SORCS1: variants seen among roughly 807,000 people sequenced by gnomAD.
The protein encoded by SORCS1 is VPS10 domain-containing receptor SorCS1.
Under a neutral mutation model 146.1 loss-of-function variants are expected in SORCS1, and 60 were observed. That is an observed-to-expected ratio of 0.41 (90% CI 0.33 to 0.51). The LOEUF is 0.51. SORCS1 is among the 20% of genes least tolerant of loss of function. The pLI, the probability that SORCS1 is intolerant of heterozygous loss-of-function variation, is 0.21. For synonymous variants in SORCS1, 637 were observed against 584.0 expected (o/e 1.09, Z -1.31); for missense variants, 1,352 against 1,487.6 (o/e 0.91, Z 1.50).
chr10:107,151,201 G>A (rs1356916610), intron 1 of SORCS1, among the ~76,000 whole-genome samples: 2 of 152,188 alleles, frequency 1.3e-5, no homozygotes, highest in Non-Finnish European at 2.9e-5. Flanking sequence ...AGGGCTCAGA[G>A]ACAGGATGGT....
chr10:106,947,134 A>C (rs1954386643), intron 2 of SORCS1, among the ~76,000 whole-genome samples: 1 of 152,210 alleles, frequency 6.6e-6, no homozygotes, highest in South Asian at 2.1e-4. Context: ...TACTGATTTA[A>C]AAGTTACGTA....
At chr10:106,742,878 G>A (rs1857459957) in intron 5 of SORCS1, among the ~76,000 whole-genome samples, 1 of 152,098 alleles carries the variant, frequency 6.6e-6, no homozygotes, top group Non-Finnish European at 1.5e-5. Flanking sequence ...TTTGTTTGTT[G>A]ATGAAAAATT....
chr10:106,594,114 C>G (rs944438555), intron 24 of SORCS1, among the ~76,000 whole-genome samples: 3 of 152,196 alleles, frequency 2.0e-5, no homozygotes, highest in African/African-American at 7.2e-5. Context: ...TTGCTGTATT[C>G]AGTTTCTCTG....
Position 106,916,755 on chromosome 10 carries a change from C to CTTTTAT in SORCS1, c.626+39752_626+39757dup, listed in dbSNP as rs1470768173. On this transcript the variant is annotated intron_variant, in intron 2 of 25. Transcript: ENST00000263054. ...GTAGAGGGTTTACTTTCCAATTTTT[C>CTTTTAT]TTTTATTTTTTTGAGACAGAGTCCC... Among the ~76,000 whole-genome samples, 9 of 151,678 alleles carry CTTTTAT rather than the reference C, an allele frequency of 5.9e-5. No homozygotes were observed. The East Asian group carries it at 1.6e-3, about 26-fold the overall frequency.
chr10:106,607,898 C>T (rs1846718135), intron 22 of SORCS1, among the ~76,000 whole-genome samples: 1 of 152,170 alleles, frequency 6.6e-6, no homozygotes, highest in African/African-American at 2.4e-5. Context: ...GACTTTTCTG[C>T]AGCATCAGAC....
At chr10:106,929,202 T>G (rs569420959) in intron 2 of SORCS1, among the ~76,000 whole-genome samples, 24 of 151,810 alleles carry the variant, frequency 1.6e-4, no homozygotes, top group Non-Finnish European at 3.1e-4. Flanking sequence ...TACTTTTAGA[T>G]CAGAAGAGAA....
intron 2 of SORCS1, among the ~76,000 whole-genome samples, chr10:106,938,561 C>A (rs1953870564): frequency 6.6e-6 from 1 of 152,222 alleles, no homozygotes; most frequent in South Asian, 2.1e-4. Context: ...AGTAGCTGAT[C>A]TCACACTATT....
chr10:106,876,294 A>G (rs1413341963), intron 2 of SORCS1, among the ~76,000 whole-genome samples: 1 of 152,204 alleles, frequency 6.6e-6, no homozygotes, highest in African/African-American at 2.4e-5. Context: ...CTTGAACTGT[A>G]GTTAGAAGTT....
Position 106,629,298 on chromosome 10 carries a change from T to G in SORCS1, c.2566A>C (p.Lys856Gln). 2 of 1,614,172 alleles carry G rather than the reference T, an allele frequency of 1.2e-6. No homozygotes were observed. The highest frequency in any genetic ancestry group is 1.7e-6 in the Non-Finnish European group (2 of 1,180,016). Residue 856 changes from lysine (K) to glutamine (Q), a missense_variant, in exon 19 of 26, where the codon AAA becomes CAA. This residue lies in a region of SORCS1 where 648 missense variants were observed against 793.8 expected (regional missense o/e 0.82). Transcript: ENST00000263054. ...ATGCCCACGTTCTGATAGACGTGTT[T>G]GATCCCATCTTCCATGGAGCTGAGA... ...VNLSSMEDGI[K>Q]HVYQNVGIFR... is the part of the protein sequence containing the mutation.
At chr10:106,760,174 A>G (rs112920669) in intron 5 of SORCS1, among the ~76,000 whole-genome samples, 71 of 152,134 alleles carry the variant, frequency 4.7e-4, no homozygotes, top group African/African-American at 1.7e-3. Flanking sequence ...GCCGGGCGTG[A>G]TGGCTCACGC....
chr10:106,850,524 A>C (rs1949520589), intron 2 of SORCS1, among the ~76,000 whole-genome samples: 1 of 152,006 alleles, frequency 6.6e-6, no homozygotes, highest in South Asian at 2.1e-4. Context: ...CCTCAGATGG[A>C]AATGCAGAAA....
Position 106,847,759 on chromosome 10 carries a change from C to G in SORCS1, c.627-18086G>C, listed in dbSNP as rs1331030600. On this transcript the variant is annotated intron_variant, in intron 2 of 25. Coordinates refer to ENST00000263054, the MANE Select transcript of SORCS1 (RefSeq NM_052918.5). The stretch of plus-strand genomic sequence containing the variant: ...TTCCCTCTACACACTGCTTTGAATG[C>G]ATCCCAGAGATTCTGGTATGTTGTG... Among the ~76,000 whole-genome samples, 2 of 112,812 alleles carry G rather than the reference C, an allele frequency of 1.8e-5. 1 individual carries two copies. Among genetic ancestry groups the G allele is most frequent in the Non-Finnish European group, 4.0e-5 (2 of 49,744 alleles). 74.0% of individuals were successfully genotyped at this position (112,812 alleles called of 152,430 possible).
intron 3 of SORCS1, among the ~76,000 whole-genome samples, chr10:106,821,435 T>C (rs78510884): frequency 1.3e-5 from 2 of 152,220 alleles, no homozygotes; most frequent in East Asian, 3.8e-4. Flanking sequence ...ATGTAGCTAA[T>C]ACAATTTTGA....
At chr10:106,922,229 A>C (rs1198725158) in intron 2 of SORCS1, among the ~76,000 whole-genome samples, 1 of 152,184 alleles carries the variant, frequency 6.6e-6, no homozygotes, top group East Asian at 1.9e-4. Flanking sequence ...TCCAGGTGAC[A>C]TACGCTAAAC....
At chr10:107,045,186 G>A (rs1324063021) in intron 1 of SORCS1, among the ~76,000 whole-genome samples, 1 of 152,130 alleles carries the variant, frequency 6.6e-6, no homozygotes, top group Non-Finnish European at 1.5e-5. Flanking sequence ...TTTTGTTTTA[G>A]GACAGTGGCT....
In SORCS1 at chr10:106,579,424, G is replaced by A; in HGVS notation, c.3316C>T (p.Leu1106=). The A allele has an allele frequency of 2.5e-6, 4 of 1,613,966 alleles. No homozygotes were observed. Among genetic ancestry groups the A allele is most frequent in the Middle Eastern group, 1.7e-4 (1 of 6,060 alleles). The change falls in exon 25 of 26, where the codon CTG becomes TTG. Residue 1106 remains leucine, a synonymous_variant. Coordinates refer to ENST00000263054, the MANE Select transcript of SORCS1 (RefSeq NM_052918.5). ...PTHSGSAMLM[L]LSVVFVGLAV... ...AGCCCCACAAACACCACTGAGAGCAGCATCAGCATGGCAGATCCACTGTGG... is the reference window on the plus strand; with the variant it reads ...AGCCCCACAAACACCACTGAGAGCAACATCAGCATGGCAGATCCACTGTGG...
intron 15 of SORCS1, among the ~76,000 whole-genome samples, chr10:106,671,656 C>CTAGG (rs1851615812): frequency 6.6e-6 from 1 of 152,188 alleles, no homozygotes; most frequent in Non-Finnish European, 1.5e-5. Context: ...ATGAAGGACA[C>CTAGG]ACAGACTCAG....
At chr10:106,823,290 G>A (rs760148050) in intron 3 of SORCS1, among the ~76,000 whole-genome samples, 3 of 152,130 alleles carry the variant, frequency 2.0e-5, no homozygotes, top group Non-Finnish European at 4.4e-5. Flanking sequence ...TGAGTGCTAT[G>A]CAAAGTCCTG....
chr10:107,142,820 G>A (rs1044984209), intron 1 of SORCS1, among the ~76,000 whole-genome samples: 12 of 152,184 alleles, frequency 7.9e-5, no homozygotes, highest in Non-Finnish European at 1.5e-5. Context: ...ATTTTGAAAT[G>A]AAGGAAATAA....
Sources: allele counts gnomAD v4.1 joint callset (sites outside exome capture counted in the v4.1 genomes callset), GRCh38; gene constraint gnomAD v4.1.1; regional missense constraint gnomAD v4.1.1; transcripts MANE v1.5; gene names NCBI Gene and HGNC (gene_info 2026-07-23, HGNC 2026-07-21).